SOCS5: variants seen among roughly 807,000 people sequenced by gnomAD.
SOCS5 encodes CIS-6.
SOCS5 carries 32 observed loss-of-function variants against 42.8 expected under a neutral mutation model. The observed-to-expected ratio is 0.75, with a 90% CI of 0.56 to 1.01. The LOEUF (loss-of-function observed/expected upper bound fraction) is 1.01, where lower values mean the gene tolerates loss of function less well. SOCS5 is among the 50% of genes least tolerant of loss of function. SOCS5 has a pLI of 0.00. For synonymous variants in SOCS5, 283 were observed against 229.6 expected (o/e 1.23, Z -2.10); for missense variants, 627 against 653.0 (o/e 0.96, Z 0.43).
At chr2:46,743,294 A>G (rs975391084) in intron 1 of SOCS5, among the ~76,000 whole-genome samples, 2 of 152,160 alleles carry the variant, frequency 1.3e-5, no homozygotes, top group African/African-American at 4.8e-5. Context: ...TTAAAGGAAT[A>G]AAAGAATGGC....
chr2:46,730,482 C>G (rs1430647804), intron 1 of SOCS5, among the ~76,000 whole-genome samples: 2 of 152,058 alleles, frequency 1.3e-5, no homozygotes, highest in East Asian at 3.9e-4. Flanking sequence ...CGCCTGTAAT[C>G]CCAGCCACTT....
chr2:46,736,546 T>C (rs1168177899), intron 1 of SOCS5, among the ~76,000 whole-genome samples: 1 of 152,320 alleles, frequency 6.6e-6, no homozygotes, highest in East Asian at 1.9e-4. Context: ...TTTATTACTC[T>C]AGGAACCTCA....
chr2:46,748,482 T>A (rs1464804621), intron 1 of SOCS5, among the ~76,000 whole-genome samples: 1 of 152,146 alleles, frequency 6.6e-6, no homozygotes, highest in African/African-American at 2.4e-5. Flanking sequence ...CCACTGTGTC[T>A]GGACAAATTT....
At chr2:46,742,171 A>G (rs1432275832) in intron 1 of SOCS5, among the ~76,000 whole-genome samples, 1 of 152,208 alleles carries the variant, frequency 6.6e-6, no homozygotes, top group Non-Finnish European at 1.5e-5. Flanking sequence ...GGCCAAGTAT[A>G]CATCTGATTT....
rs372201575 is a variant in SOCS5 at position 46,726,191 on chromosome 2, G to A, written c.-13+26742G>A. Among the ~76,000 whole-genome samples the A allele has an allele frequency of 3.2e-4, 48 of 152,204 alleles. 1 individual carries two copies. The highest frequency in any genetic ancestry group is 1.1e-3 in the African/African-American group (46 of 41,516). ...AGCTCACTGCAACCTCTGCCTCTCC[G>A]GTTCAAGCAATTCTTCTGCCTCAGC... On this transcript the variant is annotated intron_variant, in intron 1 of 1. Transcript: ENST00000394861.
intron 1 of SOCS5, among the ~76,000 whole-genome samples, chr2:46,725,206 A>G (rs1279130806): frequency 6.6e-6 from 1 of 151,788 alleles, no homozygotes; most frequent in Non-Finnish European, 1.5e-5. Context: ...TAATAGTTCT[A>G]TGTTATATCT....
chr2:46,752,213 C>T (rs1003328485), intron 1 of SOCS5, among the ~76,000 whole-genome samples: 8 of 151,620 alleles, frequency 5.3e-5, no homozygotes, highest in Admixed American at 5.3e-4. Context: ...GCTCTACCTC[C>T]TGTCTAGTCA....
rs540036091 is a variant in SOCS5 at position 46,744,051 on chromosome 2, G to A, written c.-12-14468G>A. Among the ~76,000 whole-genome samples the A allele has an allele frequency of 1.6e-4, 24 of 151,654 alleles. No individual in the cohort carries two copies. In the South Asian group the frequency reaches 4.2e-3, roughly 26 times the overall value. ...GTCCACCAGGCTAGAGTGCAGTGGC[G>A]CAATCTCAGCTCACTGCAACCTCCC... is the stretch of plus-strand genomic sequence containing the variant. On this transcript the variant is annotated intron_variant, in intron 1 of 1. Coordinates refer to ENST00000394861, the MANE Select transcript of SOCS5 (RefSeq NM_144949.3).
intron 1 of SOCS5, among the ~76,000 whole-genome samples, chr2:46,753,661 G>A (rs1673673669): frequency 6.6e-6 from 1 of 152,122 alleles, no homozygotes; most frequent in Admixed American, 6.5e-5. Context: ...TACTCCATAG[G>A]CAGAGCAGCA....
intron 1 of SOCS5, among the ~76,000 whole-genome samples, chr2:46,723,071 T>C (rs570597327): frequency 3.3e-5 from 5 of 152,086 alleles, no homozygotes; most frequent in Non-Finnish European, 7.4e-5. Flanking sequence ...GTGTCAGATA[T>C]GTCATTTGCC....
At chr2:46,748,379 G>A (rs1037748883) in intron 1 of SOCS5, among the ~76,000 whole-genome samples, 4 of 151,848 alleles carry the variant, frequency 2.6e-5, no homozygotes, top group Admixed American at 2.0e-4. Flanking sequence ...TGTAGAGACA[G>A]GGTCTGTCTG....
chr2:46,719,846 G>T (rs1672840609), intron 1 of SOCS5, among the ~76,000 whole-genome samples: 1 of 152,170 alleles, frequency 6.6e-6, no homozygotes, highest in African/African-American at 2.4e-5. Context: ...AACCTAAGTG[G>T]TCTAGAGGCT....
intron 1 of SOCS5, among the ~76,000 whole-genome samples, chr2:46,715,204 A>G (rs1316052565): frequency 6.6e-6 from 1 of 151,960 alleles, no homozygotes; most frequent in Non-Finnish European, 1.5e-5. Context: ...CACAGTATCT[A>G]TAAAAAAATA....
intron 1 of SOCS5, among the ~76,000 whole-genome samples, chr2:46,736,563 G>A (rs1053258008): frequency 2.3e-4 from 35 of 152,172 alleles, no homozygotes; most frequent in Middle Eastern, 3.2e-3. Flanking sequence ...CTCATGAGAA[G>A]AATCATCAGT....
intron 1 of SOCS5, among the ~76,000 whole-genome samples, chr2:46,731,611 C>T (rs544532941): frequency 6.6e-6 from 1 of 152,250 alleles, no homozygotes; most frequent in African/African-American, 2.4e-5. Flanking sequence ...TATGTTGGAG[C>T]CAGGTTTGGC....
chr2:46,723,720 A>T (rs925344366), intron 1 of SOCS5, among the ~76,000 whole-genome samples: 1 of 151,894 alleles, frequency 6.6e-6, no homozygotes, highest in Non-Finnish European at 1.5e-5. Context: ...TGATTCTTTC[A>T]GTTTTATTCC....
chr2:46,749,957 T>A (rs1231368573), intron 1 of SOCS5, among the ~76,000 whole-genome samples: 1 of 152,200 alleles, frequency 6.6e-6, no homozygotes. Context: ...TGGTAACATT[T>A]TTAAAACCTC....
chr2:46,708,237 A>G (rs770713447), intron 1 of SOCS5, among the ~76,000 whole-genome samples: 3 of 152,218 alleles, frequency 2.0e-5, no homozygotes, highest in Non-Finnish European at 4.4e-5. Flanking sequence ...CTGATTTCAG[A>G]GATACTTAAA....
intron 1 of SOCS5, among the ~76,000 whole-genome samples, chr2:46,712,434 C>T (rs187359130): frequency 5.7e-4 from 85 of 149,746 alleles, no homozygotes; most frequent in African/African-American, 2.1e-3. Context: ...ACCCCCGCCT[C>T]CTGGGTTCAA....
Sources: allele counts gnomAD v4.1 joint callset (sites outside exome capture counted in the v4.1 genomes callset), GRCh38; gene constraint gnomAD v4.1.1; transcripts MANE v1.5; gene names NCBI Gene and HGNC (gene_info 2026-07-23, HGNC 2026-07-21).